ABCA1: variants seen among roughly 807,000 people sequenced by gnomAD.
The protein encoded by ABCA1 is phospholipid-transporting ATPase ABCA1.
A neutral mutation model predicts 262.5 loss-of-function variants in ABCA1; 133 were observed. The observed-to-expected ratio is 0.51, with a 90% CI of 0.44 to 0.59. The LOEUF is 0.59. Ranked by LOEUF, ABCA1 falls within the 20% of genes least tolerant of loss-of-function variation. ABCA1 has a pLI of 0.00. For missense variants in ABCA1, 2,452 were observed against 2,777.5 expected (o/e 0.88, Z 2.63); for synonymous variants, 1,022 against 1,043.5 (o/e 0.98, Z 0.40).
At chr9:104,814,919 T>C (rs58694166) in intron 25 of ABCA1, among the ~76,000 whole-genome samples, 2,111 of 152,198 alleles carry the variant, frequency 0.014, 27 homozygotes, top group Middle Eastern at 0.037. Flanking sequence ...CGCTTGAACC[T>C]GGGAGGTGGA....
intron 8 of ABCA1, among the ~76,000 whole-genome samples, chr9:104,845,032 G>T (rs369839083): frequency 1.3e-5 from 2 of 152,220 alleles, no homozygotes; most frequent in South Asian, 4.1e-4. Context: ...GCTTTCAAGG[G>T]AAAGGGCTGA....
rs192904467 is a variant in ABCA1, at chr9:104,784,333, C to T, written c.6768G>A (p.Val2256=). ...VLTSFLQDEK[V]KESYV Reference sequence around the variant, plus strand: ...GGATTCTTCATACATAGCTTTCTTTCACTTTCTCATCCTGTAGAAAAGATG... The same window carrying T: ...GGATTCTTCATACATAGCTTTCTTTTACTTTCTCATCCTGTAGAAAAGATG... The change falls in exon 50 of 50, where the codon GTG becomes GTA. Residue 2256 remains valine (V), a synonymous_variant. Transcript: ENST00000374736. 58 of 1,614,134 alleles carry T rather than the reference C, an allele frequency of 3.6e-5. 2 individuals are homozygous for T. In the South Asian group the frequency reaches 4.4e-4, roughly 12 times the overall value.
At chr9:104,913,917 T>C (rs1052151354) in intron 1 of ABCA1, among the ~76,000 whole-genome samples, 16 of 152,014 alleles carry the variant, frequency 1.1e-4, no homozygotes, top group Non-Finnish European at 1.8e-4. Context: ...TGCCTCAGCC[T>C]CCCGAGTAGC....
chr9:104,909,166 A>C (rs1428170976), intron 1 of ABCA1, among the ~76,000 whole-genome samples: 1 of 152,230 alleles, frequency 6.6e-6, no homozygotes, highest in African/African-American at 2.4e-5. Context: ...AAATTCCACA[A>C]ACAACTGCAG....
chr9:104,799,931 T>C lies in ABCA1; in HGVS notation c.4831A>G (p.Asn1611Asp). 2 of 1,614,196 alleles carry C rather than the reference T, an allele frequency of 1.2e-6. No individual in the cohort carries two copies. The highest frequency in any genetic ancestry group is 1.7e-6 in the Non-Finnish European group (2 of 1,180,032). ...TGCAGGTTGGCCCGGAGAATGGCAT[T>C]GTTGATGACATTCAGGAAAGAGCTG... The part of the protein sequence containing the change: ...AISSFLNVIN[N>D]AILRANLQKG... Residue 1611 changes from asparagine (N) to aspartate (D), a missense_variant, in exon 36 of 50, where the codon AAT becomes GAT. Coordinates refer to ENST00000374736, the MANE Select transcript of ABCA1 (RefSeq NM_005502.4).
intron 1 of ABCA1, among the ~76,000 whole-genome samples, chr9:104,921,623 C>T (rs1181618162): frequency 1.3e-5 from 2 of 152,206 alleles, no homozygotes; most frequent in African/African-American, 4.8e-5. Flanking sequence ...CTAGCCTTAA[C>T]TACAGTTGTT....
chr9:104,869,790 A>G (rs1263911776), intron 5 of ABCA1, among the ~76,000 whole-genome samples: 1 of 152,146 alleles, frequency 6.6e-6, no homozygotes, highest in Non-Finnish European at 1.5e-5. Context: ...TCACCGAGGG[A>G]TACCAAGACA....
Position 104,814,434 on chromosome 9 carries a change from C to G in ABCA1, c.3780G>C (p.Glu1260Asp). 6.2e-7 allele frequency: 1 copy of G among 1,614,180 alleles called. No individual in the cohort carries two copies. The highest frequency in any genetic ancestry group is 8.5e-7 in the Non-Finnish European group (1 of 1,180,032). The change falls in exon 26 of 50, where the codon GAG (glutamate) becomes GAC (aspartate). Residue 1260 changes from glutamate to aspartate, a missense_variant. Glu to Asp is a conservative substitution (Grantham distance 45). Around this residue, in one of 4 missense-constraint regions of ABCA1, gnomAD observed 665 missense variants for 727.3 expected, o/e 0.91. Transcript: ENST00000374736. ...CTCCCTCAAGGCAGTTACCTGAGGT[C>G]TCAGCATCCACCCCACTCTCTTCGG... Reference protein sequence around the residue: ...KVAEESGVDAETSDGTLPARR... With the variant: ...KVAEESGVDADTSDGTLPARR...
chr9:104,908,730 C>A (rs143886467), intron 1 of ABCA1, among the ~76,000 whole-genome samples: 1 of 152,196 alleles, frequency 6.6e-6, no homozygotes, highest in African/African-American at 2.4e-5. Context: ...CTGTTACATG[C>A]GACAACCTGG....
chr9:104,852,349 A>G (rs991383890), intron 7 of ABCA1, among the ~76,000 whole-genome samples: 1 of 152,262 alleles, frequency 6.6e-6, no homozygotes, highest in Non-Finnish European at 1.5e-5. Context: ...CGAAATTATA[A>G]GACTACATTT....
In ABCA1 at chr9:104,816,235, C is replaced by T; in HGVS notation, c.3646G>A (p.Gly1216Arg). The change falls in exon 25 of 50, where the codon GGA becomes AGA. Residue 1216 changes from glycine (G) to arginine (R), a missense_variant. By Grantham distance (125) the Gly-to-Arg change is moderately radical. Around this residue, in one of 4 missense-constraint regions of ABCA1, gnomAD observed 665 missense variants for 727.3 expected, o/e 0.91. Coordinates refer to ENST00000374736, the MANE Select transcript of ABCA1 (RefSeq NM_005502.4). ...YVLPYEAAKE[G>R]AFVELFHEID... Reference sequence around the variant, plus strand: ...TCATGAAAGAGTTCCACAAAGGCTCCCTCCTTAGCAGCTTCATATGGCAGC... The same window carrying T: ...TCATGAAAGAGTTCCACAAAGGCTCTCTCCTTAGCAGCTTCATATGGCAGC... 1.2e-6 allele frequency: 2 copies of T among 1,614,162 alleles called. No homozygotes were observed. Among genetic ancestry groups the T allele is most frequent in the South Asian group, 1.1e-5 (1 of 91,086 alleles).
In ABCA1 at chr9:104,788,025, G is replaced by T; in HGVS notation, c.6099C>A (p.Gly2033=). The change falls in exon 46 of 50, where the codon GGC becomes GGA. Residue 2033 remains glycine, a synonymous_variant. Transcript: ENST00000374736. Reference sequence around the variant, plus strand: ...CATATTTTTCTCCATACTTCACGAGGCCCAGTTTCCGAATCGCCCACTCAC... The same window carrying T: ...CATATTTTTCTCCATACTTCACGAGTCCCAGTTTCCGAATCGCCCACTCAC... ...KVGEWAIRKL[G]LVKYGEKYAG... is the part of the protein sequence containing the mutation. 1 of 1,614,184 alleles carries T rather than the reference G, an allele frequency of 6.2e-7. No individual in the cohort carries two copies. The highest frequency in any genetic ancestry group is 8.5e-7 in the Non-Finnish European group (1 of 1,180,030).
Position 104,798,707 on chromosome 9 carries a change from T to C in ABCA1, c.4944-109A>G. The C allele has an allele frequency of 3.2e-6, 3 of 933,804 alleles. No homozygotes were observed. In the East Asian group the frequency reaches 7.9e-5, roughly 24 times the overall value. The allele number at this position is 933,804 out of a possible 1,614,324, so 57.8% of individuals were successfully genotyped here. A position where few individuals can be genotyped will look rare whatever the true frequency, so the allele number is the denominator to read the frequency against. ...ACACACACGTACACACACACAGAGA[T>C]ATCTGAGGCACAGCCCAAGGAAAAA... On this transcript the variant is annotated intron_variant, in intron 36 of 49. Coordinates refer to ENST00000374736, the MANE Select transcript of ABCA1 (RefSeq NM_005502.4).
intron 2 of ABCA1, among the ~76,000 whole-genome samples, chr9:104,901,862 C>T (rs1051866476): frequency 3.9e-5 from 6 of 152,130 alleles, no homozygotes; most frequent in African/African-American, 9.7e-5. Context: ...AACAGTACAT[C>T]GCGGGGCCTT....
intron 5 of ABCA1, among the ~76,000 whole-genome samples, chr9:104,866,639 G>A (rs1158835580): frequency 1.3e-5 from 2 of 152,030 alleles, no homozygotes; most frequent in African/African-American, 4.8e-5. Flanking sequence ...CCGCCATCAC[G>A]CCCAGCTATT....
intron 1 of ABCA1, among the ~76,000 whole-genome samples, chr9:104,906,318 C>T (rs1415630371): frequency 6.6e-6 from 1 of 151,970 alleles, no homozygotes; most frequent in Non-Finnish European, 1.5e-5. Context: ...TGGAAAAGCT[C>T]AAAGGAAGAG....
chr9:104,801,457 T>A (rs902012357), intron 34 of ABCA1, among the ~76,000 whole-genome samples: 10 of 151,266 alleles, frequency 6.6e-5, no homozygotes, highest in African/African-American at 2.4e-4. Context: ...CCTGACCTTG[T>A]GCTTTGCCCG....
rs141810477 is a variant in ABCA1, at chr9:104,813,558, C to T, written c.3901+560G>A. Among the ~76,000 whole-genome samples, 488 of 152,306 alleles carry T rather than the reference C, an allele frequency of 3.2e-3. 1 individual carries two copies. Among genetic ancestry groups the T allele is most frequent in the Admixed American group, 5.0e-3 (76 of 15,298 alleles). The stretch of plus-strand genomic sequence containing the variant: ...CCTCCCAAGTAGCTGGGATGACAGG[C>T]ATGTGCCACCACACTCGGCTAATTT... On this transcript the variant is annotated intron_variant, in intron 27 of 49. Coordinates refer to ENST00000374736, the MANE Select transcript of ABCA1 (RefSeq NM_005502.4).
chr9:104,885,394 C>A (rs1017974451), intron 3 of ABCA1, among the ~76,000 whole-genome samples: 1 of 152,142 alleles, frequency 6.6e-6, no homozygotes, highest in Non-Finnish European at 1.5e-5. Context: ...CATCTCAAAC[C>A]CCTCTGGTAC....
Sources: gnomAD v4.1 joint callset for allele counts (sites outside exome capture counted in the v4.1 genomes callset) on GRCh38, gnomAD v4.1.1 for gene constraint, gnomAD v4.1.1 regional missense constraint, MANE v1.5 for transcripts, NCBI Gene and HGNC (gene_info 2026-07-23, HGNC 2026-07-21) for gene names.